FRMD5: variants seen among roughly 807,000 people sequenced by gnomAD.
FRMD5 encodes the protein FERM domain containing 5.
In FRMD5, 20 loss-of-function variants were observed where a neutral mutation model predicts 69.0. The ratio of observed to expected loss-of-function variants is 0.29; its 90% CI spans 0.20 to 0.42. The LOEUF (loss-of-function observed/expected upper bound fraction) is 0.42. FRMD5 is among the 10% of genes least tolerant of loss of function. The pLI is 1.00. For missense variants in FRMD5, 595 were observed against 708.6 expected (o/e 0.84, Z 1.82); for synonymous variants, 271 against 260.1 (o/e 1.04, Z -0.40).
chr15:44,169,882 T>A (rs187012765), intron 1 of FRMD5, among the ~76,000 whole-genome samples: 2 of 152,306 alleles, frequency 1.3e-5, no homozygotes, highest in Admixed American at 1.3e-4. Flanking sequence ...GAAAAATATA[T>A]GTAATTATTA....
chr15:43,975,016 T>C (rs1378808445), intron 1 of FRMD5, among the ~76,000 whole-genome samples: 1 of 152,188 alleles, frequency 6.6e-6, no homozygotes, highest in Non-Finnish European at 1.5e-5. Context: ...TGCGGAATTG[T>C]CTCTCTCTTC....
At chr15:44,147,401 G>C (rs1205427265) in intron 1 of FRMD5, among the ~76,000 whole-genome samples, 1 of 152,124 alleles carries the variant, frequency 6.6e-6, no homozygotes, top group East Asian at 1.9e-4. Context: ...TTCAAGTCGG[G>C]TAGCGTGATG....
intron 7 of FRMD5, 104 bp downstream of exon 7, chr15:43,902,071 A>G: frequency 1.3e-6 from 1 of 785,446 alleles, no homozygotes; most frequent in Non-Finnish European, 2.2e-6. Context: ...AGTGCCAGCC[A>G]TGTAAACGTT....
chr15:44,058,400 G>A (rs1419410174), intron 1 of FRMD5, among the ~76,000 whole-genome samples: 1 of 152,160 alleles, frequency 6.6e-6, no homozygotes, highest in Non-Finnish European at 1.5e-5. Context: ...TGGAAGTCAT[G>A]AAATGTTCTA....
At chr15:43,945,796 A>T (rs2089937194) in intron 1 of FRMD5, among the ~76,000 whole-genome samples, 1 of 152,076 alleles carries the variant, frequency 6.6e-6, no homozygotes, top group Admixed American at 6.6e-5. Context: ...GTGGTGGCTC[A>T]CCTGTAATCC....
At chr15:43,903,266 T>G (rs2140402086) in intron 6 of FRMD5, among the ~76,000 whole-genome samples, 1 of 152,356 alleles carries the variant, frequency 6.6e-6, no homozygotes, top group Admixed American at 6.5e-5. Context: ...TCAACATCTC[T>G]GATGGCTGGT....
chr15:44,143,873 A>C (rs1182542785), intron 1 of FRMD5, among the ~76,000 whole-genome samples: 1 of 145,120 alleles, frequency 6.9e-6, no homozygotes. Context: ...GCAGTGAGCC[A>C]AGATCATGCC....
chr15:43,877,338 T>C (rs1470864063), intron 13 of FRMD5, among the ~76,000 whole-genome samples: 1 of 152,056 alleles, frequency 6.6e-6, no homozygotes, highest in Non-Finnish European at 1.5e-5. Flanking sequence ...AAAGGGTCTC[T>C]TTTTTCCCCT....
At chr15:43,874,903 TAAAAA>T (rs965458996) in intron 13 of FRMD5, among the ~76,000 whole-genome samples, 1 of 149,336 alleles carries the variant, frequency 6.7e-6, no homozygotes, top group Admixed American at 6.7e-5. Flanking sequence ...GATTCCATCT[TAAAAA>T]AAAGAAAAAG....
intron 5 of FRMD5, among the ~76,000 whole-genome samples, chr15:43,907,647 A>G (rs1485892308): frequency 1.3e-5 from 2 of 151,952 alleles, no homozygotes; most frequent in Non-Finnish European, 2.9e-5. Flanking sequence ...AGCTGGGACT[A>G]CAGGCATGTG....
intron 1 of FRMD5, among the ~76,000 whole-genome samples, chr15:44,126,967 T>C (rs766880567): frequency 2.0e-5 from 3 of 152,244 alleles, no homozygotes; most frequent in Non-Finnish European, 4.4e-5. Context: ...AATACTTTTT[T>C]AAGTACTTTG....
chr15:43,976,232 C>A (rs1157635330), intron 1 of FRMD5, among the ~76,000 whole-genome samples: 1 of 151,592 alleles, frequency 6.6e-6, no homozygotes, highest in East Asian at 1.9e-4. Context: ...AAATATAACA[C>A]CAAAAACACA....
chr15:44,013,794 TAG>T (rs1271697420), intron 1 of FRMD5, among the ~76,000 whole-genome samples: 6 of 151,932 alleles, frequency 3.9e-5, no homozygotes, highest in African/African-American at 1.2e-4. Flanking sequence ...TAAGGAAAGT[TAG>T]AGGAATGAAA....
At chr15:44,179,879 G>A (rs1176333334) in intron 1 of FRMD5, among the ~76,000 whole-genome samples, 1 of 152,066 alleles carries the variant, frequency 6.6e-6, no homozygotes, top group Non-Finnish European at 1.5e-5. Context: ...TCAGAGAGAA[G>A]TAAAACAACT....
intron 1 of FRMD5, among the ~76,000 whole-genome samples, chr15:43,984,779 T>C (rs1889302719): frequency 6.8e-6 from 1 of 147,082 alleles, no homozygotes; most frequent in Non-Finnish European, 1.5e-5. Context: ...AGGTCAGGAG[T>C]TCAAGACTAG....
At chr15:44,195,887 C>T (rs1241710691), upstream of FRMD5, among the ~76,000 whole-genome samples, 1 of 46,488 alleles carries the variant, frequency 2.2e-5, no homozygotes, top group Non-Finnish European at 4.6e-5. Context: ...TCCACTCTAA[C>T]ACCCTTTGCC....
chr15:44,118,438 C>T (rs976266653), intron 1 of FRMD5, among the ~76,000 whole-genome samples: 3 of 152,140 alleles, frequency 2.0e-5, no homozygotes, highest in Non-Finnish European at 4.4e-5. Context: ...ACTACAAGGC[C>T]AACTTTATTT....
chr15:44,120,770 C>T (rs990945728), intron 1 of FRMD5, among the ~76,000 whole-genome samples: 1 of 151,724 alleles, frequency 6.6e-6, no homozygotes, highest in African/African-American at 2.4e-5. Context: ...CCTCGTGATC[C>T]GCCCGTCTCA....
At chr15:43,986,147 C>T (rs547110964) in intron 1 of FRMD5, among the ~76,000 whole-genome samples, 4 of 152,300 alleles carry the variant, frequency 2.6e-5, no homozygotes, top group Admixed American at 2.0e-4. Context: ...ATGTGTATCA[C>T]GATCAGTGAC....
Sources: gnomAD v4.1 joint callset for allele counts (sites outside exome capture counted in the v4.1 genomes callset) on GRCh38, gnomAD v4.1.1 for gene constraint, MANE v1.5 for transcripts, NCBI Gene and HGNC (gene_info 2026-07-23, HGNC 2026-07-21) for gene names.